The following H3C2 variants were observed in gnomAD, a reference collection of about 807,000 sequenced individuals.
H3C2 encodes the protein histone H3.1.
A neutral mutation model predicts 8.7 loss-of-function variants in H3C2; 13 were observed. That is an observed-to-expected ratio of 1.49 (90% CI 0.97 to 2.37). The LOEUF (loss-of-function observed/expected upper bound fraction) is 2.37. Among genes scored for constraint, H3C2 ranks in the 30% most tolerant of loss-of-function variants. The pLI, the probability that H3C2 is intolerant of heterozygous loss-of-function variation, is 0.00. For synonymous variants in H3C2, 166 were observed against 77.6 expected, an observed-to-expected ratio of 2.14 and a Z score of -5.99; for missense variants, 144 against 190.4, an observed-to-expected ratio of 0.76 and a Z score of 1.44.
In H3C2 at chr6:26,031,761, G is replaced by C. The variant is rs41266781; in HGVS notation, c.300C>G (p.Tyr100Ter). ...VMALQEACEAYLVGLFEDTNL... is the reference protein window; with the variant it reads ...VMALQEACEA Reference sequence around the variant, plus strand: ...TTGTGTCCTCAAAGAGCCCTACCAAGTAGGCCTCACAAGCCTCCTGCAGCG... The same window carrying C: ...TTGTGTCCTCAAAGAGCCCTACCAACTAGGCCTCACAAGCCTCCTGCAGCG... Residue 100 changes from tyrosine (Y) to a stop codon, truncating the protein, a stop_gained, in exon 1 of 1, where the codon TAC becomes TAG. Transcript: ENST00000621411. LOFTEE classifies it high-confidence loss of function. 1 of 1,614,260 alleles carries C rather than the reference G, an allele frequency of 6.2e-7. No individual in the cohort carries two copies. The highest frequency in any genetic ancestry group is 8.5e-7 in the Non-Finnish European group (1 of 1,180,050).
chr6:26,032,068 C>T lies in H3C2; in HGVS notation c.-8G>A, dbSNP rs763033809. 4 of 1,602,658 alleles carry T rather than the reference C, an allele frequency of 2.5e-6. No homozygotes were observed. The highest frequency in any genetic ancestry group is 3.5e-5 in the Admixed American group (2 of 57,114). The stretch of plus-strand genomic sequence containing the variant: ...CTGTTTAGTACGAGCCATGGCAAAA[C>T]CACAGAAAAGCTTGCCTGCAGAGAC... On this transcript the variant is annotated 5_prime_UTR_variant, in exon 1 of 1. Transcript: ENST00000621411.
At position 26,031,751 on chromosome 6, in the gene H3C2, G is replaced by T; in HGVS notation, c.310C>A (p.Leu104Ile). The change falls in exon 1 of 1, where the codon CTC becomes ATC. Residue 104 changes from leucine to isoleucine, a missense_variant. By Grantham distance (5) the Leu-to-Ile change is conservative. Coordinates refer to ENST00000621411, the MANE Select transcript of H3C2 (RefSeq NM_003537.4). The part of the protein sequence containing the change: ...QEACEAYLVG[L>I]FEDTNLCAIH... ...GCGCAAAGGTTTGTGTCCTCAAAGA[G>T]CCCTACCAAGTAGGCCTCACAAGCC... 1 of 1,614,230 alleles carries T rather than the reference G, an allele frequency of 6.2e-7. No homozygotes were observed. Among genetic ancestry groups the T allele is most frequent in the Non-Finnish European group, 8.5e-7 (1 of 1,180,034 alleles).
Position 26,031,992 on chromosome 6 carries a change from G to C in H3C2, c.69C>G (p.Thr23=). ...CCGGCGCGCTCTTGCGAGCAGCCTT[G>C]GTAGCCAGCTGCTTGCGTGGCGCTT... ...GGKAPRKQLA[T]KAARKSAPAT... Residue 23 remains threonine, a synonymous_variant, in exon 1 of 1, where the codon ACC becomes ACG. Coordinates refer to ENST00000621411, the MANE Select transcript of H3C2 (RefSeq NM_003537.4). The C allele has an allele frequency of 6.2e-7, 1 of 1,614,078 alleles. No individual in the cohort carries two copies. The highest frequency in any genetic ancestry group is 8.5e-7 in the Non-Finnish European group (1 of 1,180,022).
chr6:26,032,015 C>A lies in H3C2; in HGVS notation c.46G>T (p.Ala16Ser), dbSNP rs1235221407. 1 of 1,613,686 alleles carries A rather than the reference C, an allele frequency of 6.2e-7. No homozygotes were observed. The highest frequency in any genetic ancestry group is 8.5e-7 in the Non-Finnish European group (1 of 1,180,004). The change falls in exon 1 of 1, where the codon GCG becomes TCG. Residue 16 changes from alanine to serine, a missense_variant. Physicochemically the swap from Ala to Ser is moderately conservative, Grantham distance 99. Coordinates refer to ENST00000621411, the MANE Select transcript of H3C2 (RefSeq NM_003537.4). ...QTARKSTGGKAPRKQLATKAA... is the reference protein window; with the variant it reads ...QTARKSTGGKSPRKQLATKAA... ...TTGGTAGCCAGCTGCTTGCGTGGCG[C>A]TTTACCGCCGGTGGATTTCCGAGCT...
Position 26,031,628 on chromosome 6 carries a change from T to G in H3C2, c.*22A>C. On this transcript the variant is annotated 3_prime_UTR_variant, in exon 1 of 1. Transcript: ENST00000621411. ...GAAAAGAGCCTTTGGGTTTTAAGAC[T>G]GATGAAAAAGTGACTTTACATTTAC... 1 of 1,607,530 alleles carries G rather than the reference T, an allele frequency of 6.2e-7. No individual in the cohort carries two copies.
chr6:26,031,794 C>A lies in H3C2; in HGVS notation c.267G>T (p.Ala89=), dbSNP rs139461801. The A allele has an allele frequency of 3.1e-6, 5 of 1,614,252 alleles. 1 individual carries two copies. The South Asian group carries it at 3.3e-5, about 11-fold the overall frequency. Reference sequence around the variant, plus strand: ...CACAAGCCTCCTGCAGCGCCATCACCGCAGAGCTCTGGAAGCGAAGATCGG... The same window carrying A: ...CACAAGCCTCCTGCAGCGCCATCACAGCAGAGCTCTGGAAGCGAAGATCGG... ...FKTDLRFQSS[A]VMALQEACEA... Residue 89 remains alanine (A), a synonymous_variant, in exon 1 of 1, where the codon GCG becomes GCT. Transcript: ENST00000621411.
rs1166750888 is a variant in H3C2, at chr6:26,031,815, A to G, written c.246T>C (p.Asp82=). 8.7e-6 allele frequency: 14 copies of G among 1,614,116 alleles called. No homozygotes were observed. Among genetic ancestry groups the G allele is most frequent in the Non-Finnish European group, 1.2e-5 (14 of 1,180,036 alleles). ...VREIAQDFKT[D]LRFQSSAVMA... ...TCACCGCAGAGCTCTGGAAGCGAAG[A>G]TCGGTCTTGAAGTCTTGGGCGATTT... Residue 82 remains aspartate, a synonymous_variant, in exon 1 of 1, where the codon GAT becomes GAC. Transcript: ENST00000621411.
Position 26,032,032 on chromosome 6 carries a change from T to TA in H3C2, c.28_29insT (p.Lys10IlefsTer6). The stretch of plus-strand genomic sequence containing the variant: ...GCGTGGCGCTTTACCGCCGGTGGAT[T>TA]TCCGAGCTGTCTGTTTAGTACGAGC... On this transcript the variant is annotated frameshift_variant, in exon 1 of 1. Coordinates refer to ENST00000621411, the MANE Select transcript of H3C2 (RefSeq NM_003537.4). LOFTEE classifies it high-confidence loss of function. The TA allele has an allele frequency of 1.2e-6, 2 of 1,613,432 alleles. No homozygotes were observed. The highest frequency in any genetic ancestry group is 1.7e-6 in the Non-Finnish European group (2 of 1,180,002).
In H3C2 at chr6:26,032,049, A is replaced by C. The variant is rs754412657; in HGVS notation, c.12T>G (p.Thr4=). MAR[T]KQTARKSTGG... is the part of the protein sequence containing the mutation. ...CGGTGGATTTCCGAGCTGTCTGTTTAGTACGAGCCATGGCAAAACCACAGA... is the reference window on the plus strand; with the variant it reads ...CGGTGGATTTCCGAGCTGTCTGTTTCGTACGAGCCATGGCAAAACCACAGA... The change falls in exon 1 of 1, where the codon ACT becomes ACG. Residue 4 remains threonine, a synonymous_variant. Transcript: ENST00000621411. The C allele has an allele frequency of 4.3e-6, 7 of 1,611,248 alleles. No individual in the cohort carries two copies.
Position 26,032,040 on chromosome 6 carries a change from T to A in H3C2, c.21A>T (p.Thr7=), listed in dbSNP as rs750468678. The A allele has an allele frequency of 6.2e-7, 1 of 1,612,898 alleles. No individual in the cohort carries two copies. Among genetic ancestry groups the A allele is most frequent in the Non-Finnish European group, 8.5e-7 (1 of 1,179,980 alleles). Residue 7 remains threonine (T), a synonymous_variant, in exon 1 of 1, where the codon ACA becomes ACT. Coordinates refer to ENST00000621411, the MANE Select transcript of H3C2 (RefSeq NM_003537.4). ...CTTTACCGCCGGTGGATTTCCGAGCTGTCTGTTTAGTACGAGCCATGGCAA... is the reference window on the plus strand; with the variant it reads ...CTTTACCGCCGGTGGATTTCCGAGCAGTCTGTTTAGTACGAGCCATGGCAA... MARTKQ[T]ARKSTGGKAP... is the part of the protein sequence containing the mutation.
rs759621560 is a variant in H3C2, at chr6:26,032,088, A to G, written c.-28T>C. 3.1e-6 allele frequency: 5 copies of G among 1,590,540 alleles called. No individual in the cohort carries two copies. The highest frequency in any genetic ancestry group is 4.5e-5 in the East Asian group (2 of 44,750). ...CAAAACCACAGAAAAGCTTGCCTGC[A>G]GAGACGTCTGTGGAGGAAAGGAAAG... On this transcript the variant is annotated 5_prime_UTR_variant, in exon 1 of 1. Transcript: ENST00000621411.
Position 26,031,722 on chromosome 6 carries a change from G to GC in H3C2, c.338_339insG (p.Ile113MetfsTer4). On this transcript the variant is annotated frameshift_variant, in exon 1 of 1. Coordinates refer to ENST00000621411, the MANE Select transcript of H3C2 (RefSeq NM_003537.4). LOFTEE classifies it high-confidence loss of function. ...GCATAATAGTCACTCGCTTAGCATGGATGGCGCAAAGGTTTGTGTCCTCAA... is the reference window on the plus strand; with the variant it reads ...GCATAATAGTCACTCGCTTAGCATGGCATGGCGCAAAGGTTTGTGTCCTCAA... 6.2e-7 allele frequency: 1 copy of GC among 1,614,248 alleles called. No homozygotes were observed. Among genetic ancestry groups the GC allele is most frequent in the Middle Eastern group, 1.6e-4 (1 of 6,062 alleles).
At position 26,031,975 on chromosome 6, in the gene H3C2, C is replaced by CA; in HGVS notation, c.85_86insT (p.Ser29MetfsTer70). 1.9e-6 allele frequency: 3 copies of CA among 1,614,182 alleles called. No individual in the cohort carries two copies. Among genetic ancestry groups the CA allele is most frequent in the Non-Finnish European group, 2.5e-6 (3 of 1,180,034 alleles). On this transcript the variant is annotated frameshift_variant, in exon 1 of 1. Coordinates refer to ENST00000621411, the MANE Select transcript of H3C2 (RefSeq NM_003537.4). LOFTEE classifies it high-confidence loss of function. ...TTTCACGCCGCCGGTAGCCGGCGCG[C>CA]TCTTGCGAGCAGCCTTGGTAGCCAG...
rs1413487445 is a variant in H3C2 at position 26,031,920 on chromosome 6, C to T, written c.141G>A (p.Val47=). The T allele has an allele frequency of 2.5e-6, 4 of 1,614,256 alleles. No individual in the cohort carries two copies. The highest frequency in any genetic ancestry group is 1.1e-5 in the South Asian group (1 of 91,088). The change falls in exon 1 of 1, where the codon GTG becomes GTA. Residue 47 remains valine, a synonymous_variant. Transcript: ENST00000621411. The stretch of plus-strand genomic sequence containing the variant: ...GGTAGCGGCGGATCTCGCGCAGAGC[C>T]ACAGTGCCCGGGCGGTAACGGTGAG... ...KKPHRYRPGT[V]ALREIRRYQK...
chr6:26,031,609 A>G lies in H3C2; in HGVS notation c.*41T>C. 6.3e-7 allele frequency: 1 copy of G among 1,587,960 alleles called. No individual in the cohort carries two copies. On this transcript the variant is annotated 3_prime_UTR_variant, in exon 1 of 1. Transcript: ENST00000621411. The stretch of plus-strand genomic sequence containing the variant: ...GGAATAAGTGGGTGGCTCTGAAAAG[A>G]GCCTTTGGGTTTTAAGACTGATGAA...
In H3C2 at chr6:26,032,016, T is replaced by C. The variant is rs1036424312; in HGVS notation, c.45A>G (p.Lys15=). 13 of 1,613,560 alleles carry C rather than the reference T, an allele frequency of 8.1e-6. No homozygotes were observed. Among genetic ancestry groups the C allele is most frequent in the Admixed American group, 1.7e-5 (1 of 59,910 alleles). Reference sequence around the variant, plus strand: ...TGGTAGCCAGCTGCTTGCGTGGCGCTTTACCGCCGGTGGATTTCCGAGCTG... The same window carrying C: ...TGGTAGCCAGCTGCTTGCGTGGCGCCTTACCGCCGGTGGATTTCCGAGCTG... ...KQTARKSTGG[K]APRKQLATKA... Residue 15 remains lysine (K), a synonymous_variant, in exon 1 of 1, where the codon AAA becomes AAG. Coordinates refer to ENST00000621411, the MANE Select transcript of H3C2 (RefSeq NM_003537.4).
rs2113677346 is a variant in H3C2 at position 26,031,609 on chromosome 6, A to T, written c.*41T>A. On this transcript the variant is annotated 3_prime_UTR_variant, in exon 1 of 1. Transcript: ENST00000621411. ...GGAATAAGTGGGTGGCTCTGAAAAG[A>T]GCCTTTGGGTTTTAAGACTGATGAA... 6.3e-7 allele frequency: 1 copy of T among 1,587,960 alleles called. No homozygotes were observed. Among genetic ancestry groups the T allele is most frequent in the Non-Finnish European group, 8.6e-7 (1 of 1,168,218 alleles).
rs370706283 is a variant in H3C2, at chr6:26,031,866, C to T, written c.195G>A (p.Lys65=). 6 of 1,614,240 alleles carry T rather than the reference C, an allele frequency of 3.7e-6. No individual in the cohort carries two copies. The highest frequency in any genetic ancestry group is 3.3e-5 in the Admixed American group (2 of 60,028). The stretch of plus-strand genomic sequence containing the variant: ...CTCGCACCAGGCGCTGGAACGGCAG[C>T]TTCCGAATCAGCAACTCGGTCGACT... ...YQKSTELLIR[K]LPFQRLVREI... The change falls in exon 1 of 1, where the codon AAG becomes AAA. Residue 65 remains lysine, a synonymous_variant. Coordinates refer to ENST00000621411, the MANE Select transcript of H3C2 (RefSeq NM_003537.4).
chr6:26,031,605 A>G lies in H3C2; in HGVS notation c.*45T>C. ...CGTTGGAATAAGTGGGTGGCTCTGA[A>G]AAGAGCCTTTGGGTTTTAAGACTGA... On this transcript the variant is annotated 3_prime_UTR_variant, in exon 1 of 1. Coordinates refer to ENST00000621411, the MANE Select transcript of H3C2 (RefSeq NM_003537.4). 6.3e-7 allele frequency: 1 copy of G among 1,583,038 alleles called. No individual in the cohort carries two copies. Among genetic ancestry groups the G allele is most frequent in the Non-Finnish European group, 8.6e-7 (1 of 1,164,098 alleles).
Sources: allele counts gnomAD v4.1 joint callset, GRCh38; gene constraint gnomAD v4.1.1; transcripts MANE v1.5; gene names NCBI Gene and HGNC (gene_info 2026-07-23, HGNC 2026-07-21).